LCMT2: variants seen among roughly 807,000 people sequenced by gnomAD.
The protein encoded by LCMT2 is tRNA wybutosine-synthesizing protein 4.
A neutral mutation model predicts 42.0 loss-of-function variants in LCMT2; 34 were observed. That is an observed-to-expected ratio of 0.81 (90% CI 0.62 to 1.08). The LOEUF is 1.08. Ranked by LOEUF, LCMT2 falls within the 50% of genes least tolerant of loss-of-function variation. The pLI, the probability that LCMT2 is intolerant of heterozygous loss-of-function variation, is 0.00. For synonymous variants in LCMT2, 445 were observed against 369.5 expected (o/e 1.20, Z -2.34); for missense variants, 1,091 against 889.4 (o/e 1.23, Z -2.88).
At position 43,327,435 on chromosome 15, in the gene LCMT2, G is replaced by C. The variant is rs1175546615; in HGVS notation, c.*994C>G. 6.6e-6 allele frequency: 1 copy of C among 152,218 alleles called. No individual in the cohort carries two copies. The highest frequency in any genetic ancestry group is 1.5e-5 in the Non-Finnish European group (1 of 68,048). The allele number at this position is 152,218 out of a possible 1,614,324, so 9.4% of individuals were successfully genotyped here. On this transcript the variant is annotated 3_prime_UTR_variant, in exon 1 of 1. Transcript: ENST00000305641. Reference sequence around the variant, plus strand: ...CCATCACAACTCCTAGGCCTGAAAAGGTGAAGTAAAGGAACAATTACTGAA... The same window carrying C: ...CCATCACAACTCCTAGGCCTGAAAACGTGAAGTAAAGGAACAATTACTGAA...
chr15:43,328,272 C>T lies in LCMT2; in HGVS notation c.*157G>A. 1.3e-6 allele frequency: 1 copy of T among 750,432 alleles called. No homozygotes were observed. Among genetic ancestry groups the T allele is most frequent in the Non-Finnish European group, 2.1e-6 (1 of 470,656 alleles). The allele number at this position is 750,432 out of a possible 1,614,324, so 46.5% of individuals were successfully genotyped here. On this transcript the variant is annotated 3_prime_UTR_variant, in exon 1 of 1. Transcript: ENST00000305641. The stretch of plus-strand genomic sequence containing the variant: ...TAGTGATTGTTTCTAGGTATTTTAC[C>T]TATTTTACCAACCTTTTTCACTTTT...
Position 43,326,049 on chromosome 15 carries a change from T to A in LCMT2, c.*2380A>T. 7.5e-6 allele frequency: 1 copy of A among 133,230 alleles called. No homozygotes were observed. Among genetic ancestry groups the A allele is most frequent in the Middle Eastern group, 3.9e-3 (1 of 256 alleles). 8.3% of individuals were successfully genotyped at this position (133,230 alleles called of 1,614,324 possible). On this transcript the variant is annotated 3_prime_UTR_variant, in exon 1 of 1. Coordinates refer to ENST00000305641, the MANE Select transcript of LCMT2 (RefSeq NM_014793.5). ...TAGATGGATAATTTTTTTTTTTTTT[T>A]TTTTTTTTTTTTTTTTTTGGGTAGA...
rs761615528 is a variant in LCMT2 at position 43,330,305 on chromosome 15, G to A, written c.185C>T (p.Ala62Val). The A allele has an allele frequency of 2.6e-5, 41 of 1,594,028 alleles. No individual in the cohort carries two copies. The highest frequency in any genetic ancestry group is 3.4e-5 in the Non-Finnish European group (40 of 1,176,266). The part of the protein sequence containing the change: ...IHRGYYVRAR[A>V]VRHCVRAFLE... ...AAAAGCGCGCACGCAGTGCCTCACGGCGCGTGCGCGGACGTAGTAGCCTCG... is the reference window on the plus strand; with the variant it reads ...AAAAGCGCGCACGCAGTGCCTCACGACGCGTGCGCGGACGTAGTAGCCTCG... The change falls in exon 1 of 1, where the codon GCC becomes GTC. Residue 62 changes from alanine to valine, a missense_variant. Transcript: ENST00000305641.
In LCMT2 at chr15:43,330,241, CGCGCGAA is replaced by C. The variant is rs2043168667; in HGVS notation, c.242_248del (p.Leu81ArgfsTer17). ...AGCCAGCGCCGAGAGACAAGATCTG[CGCGCGAA>C]GCGCGGCCTGGGGCGCGCCAATCTG... On this transcript the variant is annotated frameshift_variant, in exon 1 of 1. Coordinates refer to ENST00000305641, the MANE Select transcript of LCMT2 (RefSeq NM_014793.5). LOFTEE classifies it high-confidence loss of function. The C allele has an allele frequency of 6.2e-7, 1 of 1,605,992 alleles. No individual in the cohort carries two copies. The highest frequency in any genetic ancestry group is 1.7e-5 in the Admixed American group (1 of 58,066).
At position 43,328,573 on chromosome 15, in the gene LCMT2, C is replaced by T; in HGVS notation, c.1917G>A (p.Met639Ile). 1 of 1,614,208 alleles carries T rather than the reference C, an allele frequency of 6.2e-7. No homozygotes were observed. Among genetic ancestry groups the T allele is most frequent in the South Asian group, 1.1e-5 (1 of 91,090 alleles). Residue 639 changes from methionine to isoleucine, a missense_variant, in exon 1 of 1, where the codon ATG becomes ATA. Coordinates refer to ENST00000305641, the MANE Select transcript of LCMT2 (RefSeq NM_014793.5). Reference protein sequence around the residue: ...IDTTYVPWPLMLHNHTSILLP... With the variant: ...IDTTYVPWPLILHNHTSILLP... Reference sequence around the variant, plus strand: ...GAAGGATACTAGTATGGTTGTGTAACATTAATGGCCATGGCACATATGTTG... The same window carrying T: ...GAAGGATACTAGTATGGTTGTGTAATATTAATGGCCATGGCACATATGTTG...
In LCMT2 at chr15:43,327,346, TTAAA is replaced by T. The variant is rs1181826179; in HGVS notation, c.*1079_*1082del. 1 of 152,228 alleles carries T rather than the reference TTAAA, an allele frequency of 6.6e-6. No individual in the cohort carries two copies. Among genetic ancestry groups the T allele is most frequent in the African/African-American group, 2.4e-5 (1 of 41,454 alleles). 9.4% of individuals were successfully genotyped at this position (152,228 alleles called of 1,614,324 possible). ...TAAGCCACTGAATTTATTAATTCGT[TTAAA>T]TAGTCACATGTTGTCAATAGCTACC... is the stretch of plus-strand genomic sequence containing the variant. On this transcript the variant is annotated 3_prime_UTR_variant, in exon 1 of 1. Coordinates refer to ENST00000305641, the MANE Select transcript of LCMT2 (RefSeq NM_014793.5).
Position 43,330,361 on chromosome 15 carries a change from C to G in LCMT2, c.129G>C (p.Pro43=). 4 of 1,604,416 alleles carry G rather than the reference C, an allele frequency of 2.5e-6. No individual in the cohort carries two copies. The highest frequency in any genetic ancestry group is 3.4e-6 in the Non-Finnish European group (4 of 1,178,516). Residue 43 remains proline (P), a synonymous_variant, in exon 1 of 1, where the codon CCG becomes CCC. Coordinates refer to ENST00000305641, the MANE Select transcript of LCMT2 (RefSeq NM_014793.5). ...VQDPFAALLV[P]GAARRAPLIH... Reference sequence around the variant, plus strand: ...TGAGCGGTGCGCGGCGCGCCGCGCCCGGAACCAGCAACGCGGCAAAGGGGT... The same window carrying G: ...TGAGCGGTGCGCGGCGCGCCGCGCCGGGAACCAGCAACGCGGCAAAGGGGT...
Position 43,329,364 on chromosome 15 carries a change from A to G in LCMT2, c.1126T>C (p.Phe376Leu). 6.2e-7 allele frequency: 1 copy of G among 1,613,976 alleles called. No individual in the cohort carries two copies. Among genetic ancestry groups the G allele is most frequent in the Non-Finnish European group, 8.5e-7 (1 of 1,179,990 alleles). ...SPDVILSAGG[F>L]GEQEGRHCRV... ...CAGTGCCGCCCCTCCTGCTCTCCAAATCCTCCTGCACTGAGAATAACGTCT... is the reference window on the plus strand; with the variant it reads ...CAGTGCCGCCCCTCCTGCTCTCCAAGTCCTCCTGCACTGAGAATAACGTCT... The change falls in exon 1 of 1, where the codon TTT becomes CTT. Residue 376 changes from phenylalanine (F) to leucine (L), a missense_variant. Phe to Leu is a conservative substitution (Grantham distance 22). Coordinates refer to ENST00000305641, the MANE Select transcript of LCMT2 (RefSeq NM_014793.5).
Position 43,327,217 on chromosome 15 carries a change from A to G in LCMT2, c.*1212T>C, listed in dbSNP as rs1190317341. 2 of 152,250 alleles carry G rather than the reference A, an allele frequency of 1.3e-5. No homozygotes were observed. Among genetic ancestry groups the G allele is most frequent in the East Asian group, 1.9e-4 (1 of 5,202 alleles). The allele number at this position is 152,250 out of a possible 1,614,324, so 9.4% of individuals were successfully genotyped here. On this transcript the variant is annotated 3_prime_UTR_variant, in exon 1 of 1. Coordinates refer to ENST00000305641, the MANE Select transcript of LCMT2 (RefSeq NM_014793.5). ...TCAAGATATCCAGTCAGCAGTGTCC[A>G]GTAGAAATTTCTGTAACGATGAAAT...
In LCMT2 at chr15:43,330,356, G is replaced by A. The variant is rs753960378; in HGVS notation, c.134C>T (p.Ala45Val). 8.2e-5 allele frequency: 130 copies of A among 1,589,380 alleles called. No homozygotes were observed. In the Admixed American group the frequency reaches 1.7e-3, roughly 21 times the overall value. The change falls in exon 1 of 1, where the codon GCG becomes GTG. Residue 45 changes from alanine (A) to valine (V), a missense_variant. By Grantham distance (64) the Ala-to-Val change is moderately conservative. Coordinates refer to ENST00000305641, the MANE Select transcript of LCMT2 (RefSeq NM_014793.5). Reference sequence around the variant, plus strand: ...GTGAATGAGCGGTGCGCGGCGCGCCGCGCCCGGAACCAGCAACGCGGCAAA... The same window carrying A: ...GTGAATGAGCGGTGCGCGGCGCGCCACGCCCGGAACCAGCAACGCGGCAAA... ...DPFAALLVPG[A>V]ARRAPLIHRG...
In LCMT2 at chr15:43,329,451, TG is replaced by T; in HGVS notation, c.1038del (p.Ser347ValfsTer9). The T allele has an allele frequency of 6.2e-7, 1 of 1,614,166 alleles. No homozygotes were observed. The highest frequency in any genetic ancestry group is 1.1e-5 in the South Asian group (1 of 91,090). ...AGGTTTGGGACCTGGCCCTCGCTAC[TG>T]ACTACGCTGGCAGGGAATACCCCTG... is the stretch of plus-strand genomic sequence containing the variant. ...SPSGVFPASVVSSEGQVPNLK... is the reference protein window; with the variant it reads ...SPSGVFPASVXSSEGQVPNLK... On this transcript the variant is annotated frameshift_variant, in exon 1 of 1. Coordinates refer to ENST00000305641, the MANE Select transcript of LCMT2 (RefSeq NM_014793.5). LOFTEE classifies it high-confidence loss of function.
chr15:43,330,416 C>A lies in LCMT2; in HGVS notation c.74G>T (p.Arg25Leu). 1 of 1,568,104 alleles carries A rather than the reference C, an allele frequency of 6.4e-7. No individual in the cohort carries two copies. ...CACGTACCCGCGCGCGGCCAGGGAACGCTTGCTGAGGGCGCTGCTGTCGTT... is the reference window on the plus strand; with the variant it reads ...CACGTACCCGCGCGCGGCCAGGGAAAGCTTGCTGAGGGCGCTGCTGTCGTT... The part of the protein sequence containing the change: ...NTNDSSALSK[R>L]SLAARGYVQD... Residue 25 changes from arginine to leucine, a missense_variant, in exon 1 of 1, where the codon CGT (arginine) becomes CTT (leucine). Physicochemically the swap from Arg to Leu is moderately radical, Grantham distance 102. Coordinates refer to ENST00000305641, the MANE Select transcript of LCMT2 (RefSeq NM_014793.5).
At position 43,326,211 on chromosome 15, in the gene LCMT2, C is replaced by T. The variant is rs530930891; in HGVS notation, c.*2218G>A. On this transcript the variant is annotated 3_prime_UTR_variant, in exon 1 of 1. Transcript: ENST00000305641. ...CCTCATCACAGTGTTCTGCTTTTAT[C>T]TGCTCCTGAAAGCTGGGGTGTGCTG... The T allele has an allele frequency of 1.3e-5, 2 of 151,942 alleles. No homozygotes were observed. Among genetic ancestry groups the T allele is most frequent in the South Asian group, 4.2e-4 (2 of 4,792 alleles). 9.4% of individuals were successfully genotyped at this position (151,942 alleles called of 1,614,324 possible). A position where few individuals can be genotyped will look rare whatever the true frequency, so the allele number is the denominator to read the frequency against.
rs1426359481 is a variant in LCMT2, at chr15:43,328,849, A to G, written c.1641T>C (p.Leu547=). ...HSACTWQGGA[L]IAGGLGASEE... is the part of the protein sequence containing the mutation. ...CAGAAGCCCCGAGACCTCCAGCAAT[A>G]AGGGCTCCCCCTTGCCAAGTGCAGG... Residue 547 remains leucine (L), a synonymous_variant, in exon 1 of 1, where the codon CTT becomes CTC. Coordinates refer to ENST00000305641, the MANE Select transcript of LCMT2 (RefSeq NM_014793.5). 2 of 1,613,726 alleles carry G rather than the reference A, an allele frequency of 1.2e-6. No homozygotes were observed. The highest frequency in any genetic ancestry group is 2.2e-5 in the East Asian group (1 of 44,876).
chr15:43,329,258 C>A lies in LCMT2; in HGVS notation c.1232G>T (p.Gly411Val), dbSNP rs759828003. 1.9e-6 allele frequency: 3 copies of A among 1,614,056 alleles called. No individual in the cohort carries two copies. The highest frequency in any genetic ancestry group is 2.5e-6 in the Non-Finnish European group (3 of 1,180,040). Reference sequence around the variant, plus strand: ...ATAAAGGCGTCCATCCCACTGAACTCCAGTCCCACAACTGCCTATTTGGCT... The same window carrying A: ...ATAAAGGCGTCCATCCCACTGAACTACAGTCCCACAACTGCCTATTTGGCT... Reference protein sequence around the residue: ...KGSQIGSCGTGVQWDGRLYHT... With the variant: ...KGSQIGSCGTVVQWDGRLYHT... Residue 411 changes from glycine (G) to valine (V), a missense_variant, in exon 1 of 1, where the codon GGA becomes GTA. Physicochemically the swap from Gly to Val is moderately radical, Grantham distance 109 (BLOSUM62 -3). Transcript: ENST00000305641.
At position 43,324,004 on chromosome 15, in the gene LCMT2, C is replaced by A. The variant is rs1032811954; in HGVS notation, c.*4425G>T. On this transcript the variant is annotated 3_prime_UTR_variant, in exon 1 of 1. Coordinates refer to ENST00000305641, the MANE Select transcript of LCMT2 (RefSeq NM_014793.5). ...GGAACTGCCCCTTCCCAATCATGTG[C>A]TTTCTATCAATGTCCAAGACAGATA... 5.3e-5 allele frequency: 8 copies of A among 152,266 alleles called. No individual in the cohort carries two copies. Among genetic ancestry groups the A allele is most frequent in the Admixed American group, 2.0e-4 (3 of 15,292 alleles). 9.4% of individuals were successfully genotyped at this position (152,266 alleles called of 1,614,324 possible).
rs1390678052 is a variant in LCMT2, at chr15:43,329,922, C to T, written c.568G>A (p.Val190Met). Residue 190 changes from valine to methionine, a missense_variant, in exon 1 of 1, where the codon GTG becomes ATG. Physicochemically the swap from Val to Met is conservative, Grantham distance 21. Coordinates refer to ENST00000305641, the MANE Select transcript of LCMT2 (RefSeq NM_014793.5). The stretch of plus-strand genomic sequence containing the variant: ...CTCTCCGGCTCGAGGTAGGTCAGCA[C>T]CGCCTCGGCCAGGAGCAGAGTGGGT... ...ASPTLLLAEA[V>M]LTYLEPESAA... The T allele has an allele frequency of 1.9e-6, 3 of 1,612,732 alleles. No homozygotes were observed. In the Admixed American group the frequency reaches 5.0e-5, roughly 27 times the overall value.
In LCMT2 at chr15:43,328,582, C is replaced by T. The variant is rs948461317; in HGVS notation, c.1908G>A (p.Trp636Ter). 1.9e-6 allele frequency: 3 copies of T among 1,614,068 alleles called. No homozygotes were observed. The highest frequency in any genetic ancestry group is 2.7e-5 in the African/African-American group (2 of 74,918). ...EYQIDTTYVP[W>*]PLMLHNHTSI... Reference sequence around the variant, plus strand: ...TAGTATGGTTGTGTAACATTAATGGCCATGGCACATATGTTGTGTCAATCT... The same window carrying T: ...TAGTATGGTTGTGTAACATTAATGGTCATGGCACATATGTTGTGTCAATCT... The change falls in exon 1 of 1, where the codon TGG (tryptophan) becomes TGA (stop). Residue 636 changes from tryptophan (W) to a stop codon, truncating the protein, a stop_gained. Transcript: ENST00000305641. LOFTEE classifies it high-confidence loss of function.
At position 43,328,404 on chromosome 15, in the gene LCMT2, T is replaced by G. The variant is rs756821682; in HGVS notation, c.*25A>C. The G allele has an allele frequency of 1.9e-6, 3 of 1,592,958 alleles. No individual in the cohort carries two copies. The Admixed American group carries it at 5.2e-5, about 28-fold the overall frequency. ...TGGAAAACTTTATTGTCTACTTTAG[T>G]GGGTCCTGAATATTAGTCCAGTCCT... is the stretch of plus-strand genomic sequence containing the variant. On this transcript the variant is annotated 3_prime_UTR_variant, in exon 1 of 1. Coordinates refer to ENST00000305641, the MANE Select transcript of LCMT2 (RefSeq NM_014793.5).
Sources: allele counts gnomAD v4.1 joint callset, GRCh38; gene constraint gnomAD v4.1.1; transcripts MANE v1.5; gene names NCBI Gene and HGNC (gene_info 2026-07-23, HGNC 2026-07-21).